The following ROBO2 variants were observed in gnomAD, a reference collection of about 807,000 sequenced individuals.
ROBO2 encodes the protein roundabout guidance receptor 2.
In ROBO2, 53 loss-of-function variants were observed where a neutral mutation model predicts 160.8. The ratio of observed to expected loss-of-function variants is 0.33; its 90% CI spans 0.26 to 0.41. The LOEUF (loss-of-function observed/expected upper bound fraction) is 0.41, where lower values mean the gene tolerates loss of function less well. Among genes scored for constraint, ROBO2 ranks in the 10% least tolerant of loss-of-function variants. The probability of loss-of-function intolerance (pLI) is 1.00; values close to 1 mark genes in which losing one functional copy is unlikely to be tolerated. For missense variants in ROBO2, 1,577 were observed against 1,722.4 expected (o/e 0.92, Z 1.49); for synonymous variants, 664 against 611.7 (o/e 1.09, Z -1.26).
At chr3:77,190,244 A>T (rs1282504420) in intron 2 of ROBO2, among the ~76,000 whole-genome samples, 3 of 151,966 alleles carry the variant, frequency 2.0e-5, no homozygotes, top group Non-Finnish European at 4.4e-5. Flanking sequence ...GTACAAGTAA[A>T]ATTGGATAGT....
At chr3:77,141,143 T>G (rs2076667616) in intron 2 of ROBO2, among the ~76,000 whole-genome samples, 1 of 152,224 alleles carries the variant, frequency 6.6e-6, no homozygotes, top group Admixed American at 6.5e-5. Flanking sequence ...TTTGATCTTA[T>G]AGCAAGTAAT....
intron 1 of ROBO2, among the ~76,000 whole-genome samples, chr3:77,059,456 A>T (rs903950347): frequency 2.0e-5 from 3 of 152,200 alleles, no homozygotes; most frequent in African/African-American, 7.2e-5. Context: ...AATTTCATTG[A>T]GAAGGGCAAG....
intron 2 of ROBO2, among the ~76,000 whole-genome samples, chr3:76,124,495 C>T (rs1026210740): frequency 2.6e-5 from 4 of 152,106 alleles, no homozygotes; most frequent in South Asian, 2.1e-4. Context: ...GAACACTTAT[C>T]ATAAATTTTT....
chr3:76,347,881 A>AGTAT (rs2074624404), intron 2 of ROBO2, among the ~76,000 whole-genome samples: 2 of 152,286 alleles, frequency 1.3e-5, no homozygotes, highest in East Asian at 1.9e-4. Context: ...TGTTTAAAAT[A>AGTAT]GTATTTATTA....
At chr3:75,922,456 C>A (rs1396022856) in intron 1 of ROBO2, among the ~76,000 whole-genome samples, 1 of 151,812 alleles carries the variant, frequency 6.6e-6, no homozygotes, top group East Asian at 1.9e-4. Context: ...GTGTAAAAAG[C>A]AAATATCTAA....
intron 16 of ROBO2, among the ~76,000 whole-genome samples, chr3:77,580,668 T>C (rs2093893903): frequency 6.6e-6 from 1 of 152,176 alleles, no homozygotes. Context: ...CAGAATGTGA[T>C]TTTTTAAATC....
At chr3:76,745,019 T>G (rs999338666) in intron 2 of ROBO2, among the ~76,000 whole-genome samples, 2 of 152,224 alleles carry the variant, frequency 1.3e-5, no homozygotes, top group South Asian at 4.1e-4. Flanking sequence ...CTACGAATGT[T>G]CTGTAAAATT....
At chr3:76,112,201 C>CT (rs954180783) in intron 2 of ROBO2, among the ~76,000 whole-genome samples, 3 of 151,926 alleles carry the variant, frequency 2.0e-5, no homozygotes, top group African/African-American at 2.4e-5. Context: ...CTTAGGAGTC[C>CT]TTTTTTTTCA....
chr3:77,244,978 G>C (rs1316678892), intron 2 of ROBO2, among the ~76,000 whole-genome samples: 1 of 147,528 alleles, frequency 6.8e-6, no homozygotes, highest in South Asian at 2.1e-4. Context: ...AAAAAGCAAA[G>C]GTCTTTGAAA....
At chr3:76,792,879 A>G (rs768056561) in intron 2 of ROBO2, among the ~76,000 whole-genome samples, 1 of 151,844 alleles carries the variant, frequency 6.6e-6, no homozygotes, top group Non-Finnish European at 1.5e-5. Context: ...GCACTCTCAT[A>G]TGTCATAAAG....
intron 2 of ROBO2, among the ~76,000 whole-genome samples, chr3:76,789,131 T>TTAA (rs1290125435): frequency 6.6e-6 from 1 of 151,518 alleles, no homozygotes; most frequent in Non-Finnish European, 1.5e-5. Flanking sequence ...TAGCTAGAGT[T>TTAA]TGCTTAGAGT....
intron 2 of ROBO2, among the ~76,000 whole-genome samples, chr3:77,241,104 GTTTTA>G (rs1293075046): frequency 1.3e-5 from 2 of 152,152 alleles, no homozygotes; most frequent in Non-Finnish European, 2.9e-5. Flanking sequence ...TAAATAAAGT[GTTTTA>G]TTTTATACAG....
intron 16 of ROBO2, among the ~76,000 whole-genome samples, chr3:77,585,369 G>A (rs1471620656): frequency 6.6e-6 from 1 of 151,464 alleles, no homozygotes; most frequent in Non-Finnish European, 1.5e-5. Flanking sequence ...AAATAATAAA[G>A]TTAATGATTA....
chr3:77,132,546 G>T (rs1560078378), intron 2 of ROBO2, among the ~76,000 whole-genome samples: 1 of 152,026 alleles, frequency 6.6e-6, no homozygotes, highest in South Asian at 2.1e-4. Context: ...AGTCATTCTT[G>T]ATTACCGTTT....
chr3:76,619,320 A>G (rs2088868485), intron 2 of ROBO2, among the ~76,000 whole-genome samples: 1 of 146,208 alleles, frequency 6.8e-6, no homozygotes, highest in South Asian at 2.2e-4. Flanking sequence ...AGCCTGGGCG[A>G]CAGAGCGAGA....
At chr3:76,201,366 A>C (rs1046121803) in intron 2 of ROBO2, among the ~76,000 whole-genome samples, 13 of 152,188 alleles carry the variant, frequency 8.5e-5, no homozygotes, top group African/African-American at 2.4e-5. Flanking sequence ...ACCGTCATGC[A>C]TTGAACTCCA....
chr3:77,348,938 ACTT>A (rs150335510), intron 2 of ROBO2, among the ~76,000 whole-genome samples: 5,743 of 150,740 alleles, frequency 0.038, 355 homozygotes, highest in African/African-American at 0.13. Context: ...CACTTTCTTC[ACTT>A]CTTCTCCCGA....
chr3:77,534,478 G>A (rs377336933), intron 6 of ROBO2, among the ~76,000 whole-genome samples: 5 of 151,982 alleles, frequency 3.3e-5, no homozygotes, highest in African/African-American at 4.8e-5. Flanking sequence ...TTATGTATTC[G>A]AAGAAAGTCA....
At chr3:76,414,184 G>A (rs957210697) in intron 2 of ROBO2, among the ~76,000 whole-genome samples, 1 of 152,154 alleles carries the variant, frequency 6.6e-6, no homozygotes, top group Non-Finnish European at 1.5e-5. Context: ...GGGAATTCTG[G>A]GAGATACAAT....
Sources: gnomAD v4.1 joint callset for allele counts (sites outside exome capture counted in the v4.1 genomes callset) on GRCh38, gnomAD v4.1.1 for gene constraint, MANE v1.5 for transcripts, NCBI Gene and HGNC (gene_info 2026-07-23, HGNC 2026-07-21) for gene names.